The following KCNH1 variants were observed in gnomAD, a reference collection of about 807,000 sequenced individuals.
KCNH1 encodes potassium voltage-gated channel subfamily H member 1, also known as voltage-gated delayed rectifier potassium channel KCNH1.
KCNH1 carries 27 observed loss-of-function variants against 69.2 expected under a neutral mutation model. That is an observed-to-expected ratio of 0.39 (90% CI 0.29 to 0.54). The LOEUF (loss-of-function observed/expected upper bound fraction) is 0.54. Ranked by LOEUF, KCNH1 falls within the 20% of genes least tolerant of loss-of-function variation. The probability of loss-of-function intolerance (pLI) is 0.68; values close to 1 mark genes in which losing one functional copy is unlikely to be tolerated. For synonymous variants in KCNH1, 456 were observed against 487.7 expected (o/e 0.93, Z 0.86); for missense variants, 798 against 1,261.6 (o/e 0.63, Z 5.57).
At chr1:210,767,043 C>G (rs374277366) in intron 10 of KCNH1, among the ~76,000 whole-genome samples, 12 of 152,156 alleles carry the variant, frequency 7.9e-5, no homozygotes, top group African/African-American at 2.9e-4. Context: ...AGGACATGCT[C>G]AAAACCACAG....
chr1:211,061,658 C>G (rs1191046359), intron 5 of KCNH1, among the ~76,000 whole-genome samples: 1 of 151,926 alleles, frequency 6.6e-6, no homozygotes, highest in African/African-American at 2.4e-5. Flanking sequence ...AAACCAGTAG[C>G]ATTTTATATA....
chr1:210,733,409 C>T (rs1157853348), intron 10 of KCNH1, among the ~76,000 whole-genome samples: 2 of 152,200 alleles, frequency 1.3e-5, no homozygotes, highest in African/African-American at 4.8e-5. Flanking sequence ...AGTAGGAATT[C>T]TAAGCCCCCA....
At chr1:210,727,382 AG>A (rs1361210595) in intron 10 of KCNH1, among the ~76,000 whole-genome samples, 1 of 152,166 alleles carries the variant, frequency 6.6e-6, no homozygotes, top group African/African-American at 2.4e-5. Context: ...ATATTTTGAT[AG>A]CGATACAGTC....
At chr1:210,934,890 C>G (rs1416326605) in intron 6 of KCNH1, among the ~76,000 whole-genome samples, 1 of 151,188 alleles carries the variant, frequency 6.6e-6, no homozygotes, top group Non-Finnish European at 1.5e-5. Flanking sequence ...TATATACAAG[C>G]AATATAAATT....
Position 210,770,729 on chromosome 1 carries a change from G to T in KCNH1, c.2112+4619C>A, listed in dbSNP as rs79190648. The stretch of plus-strand genomic sequence containing the variant: ...ACATGTTTCTGAGTGTATTGGCGGT[G>T]GCAAAGGCCACTGGAGAAAGATACT... On this transcript the variant is annotated intron_variant, in intron 10 of 10. Transcript: ENST00000271751. 6.6e-3 allele frequency among the ~76,000 whole-genome samples: 1,007 copies of T among 152,330 alleles called. 6 individuals are homozygous for T. The highest frequency in any genetic ancestry group is 0.011 in the Admixed American group (162 of 15,296).
chr1:210,693,470 G>A (rs1042144560), intron 10 of KCNH1, among the ~76,000 whole-genome samples: 1 of 152,200 alleles, frequency 6.6e-6, no homozygotes, highest in African/African-American at 2.4e-5. Context: ...ACCAAAGAGA[G>A]GCCAGGTAGA....
chr1:211,096,063 ATTTATTTATTTATTTT>A (rs1691145033), intron 3 of KCNH1, among the ~76,000 whole-genome samples: 1 of 151,730 alleles, frequency 6.6e-6, no homozygotes, highest in Non-Finnish European at 1.5e-5. Flanking sequence ...TTATTTATTT[ATTTATTTATTTATTTT>A]TTGAGATGGA....
chr1:211,087,493 T>C (rs2102470686), intron 4 of KCNH1, among the ~76,000 whole-genome samples: 1 of 151,958 alleles, frequency 6.6e-6, no homozygotes, highest in Non-Finnish European at 1.5e-5. Context: ...CTACTCCCAA[T>C]TATCTATAAC....
At chr1:210,689,524 T>C (rs141498312) in intron 10 of KCNH1, among the ~76,000 whole-genome samples, 458 of 152,316 alleles carry the variant, frequency 3.0e-3, no homozygotes, top group African/African-American at 0.01. Context: ...TAAAAATACA[T>C]ATGTAATGTC....
intron 6 of KCNH1, among the ~76,000 whole-genome samples, chr1:210,963,951 G>A (rs1016872405): frequency 1.3e-5 from 2 of 152,082 alleles, no homozygotes; most frequent in African/African-American, 4.8e-5. Context: ...ACACCACAAA[G>A]ATAATCCTTG....
At chr1:210,921,676 C>T (rs769808053) in intron 6 of KCNH1, among the ~76,000 whole-genome samples, 5 of 152,136 alleles carry the variant, frequency 3.3e-5, no homozygotes, top group African/African-American at 9.7e-5. Flanking sequence ...TTCCAGGCCA[C>T]GGCAGTTAAT....
At chr1:210,992,574 T>A (rs1207660247) in intron 6 of KCNH1, among the ~76,000 whole-genome samples, 1 of 152,100 alleles carries the variant, frequency 6.6e-6, no homozygotes, top group Admixed American at 6.6e-5. Context: ...AGTGGCTGCT[T>A]TTTTAACATA....
At chr1:210,917,227 G>A (rs377366490) in intron 7 of KCNH1, among the ~76,000 whole-genome samples, 11 of 77,186 alleles carry the variant, frequency 1.4e-4, no homozygotes, top group Middle Eastern at 7.1e-3. Flanking sequence ...GAGAGAGAGA[G>A]AGAGAAAGAA....
intron 5 of KCNH1, among the ~76,000 whole-genome samples, chr1:211,022,836 G>T (rs988391435): frequency 7.2e-5 from 11 of 152,256 alleles, no homozygotes; most frequent in Non-Finnish European, 1.5e-4. Context: ...TGATGGCCAG[G>T]CATGGTGGCT....
intron 9 of KCNH1, among the ~76,000 whole-genome samples, chr1:210,795,150 G>A (rs1368129899): frequency 6.7e-6 from 1 of 148,898 alleles, no homozygotes; most frequent in Non-Finnish European, 1.5e-5. Context: ...TGTTGTTGTT[G>A]TTTGTTTGTT....
intron 7 of KCNH1, among the ~76,000 whole-genome samples, chr1:210,822,565 C>T (rs1349540982): frequency 1.3e-5 from 2 of 152,128 alleles, no homozygotes; most frequent in Non-Finnish European, 2.9e-5. Flanking sequence ...TTGAATGCTC[C>T]ACTGTTGCTG....
intron 10 of KCNH1, among the ~76,000 whole-genome samples, chr1:210,715,949 C>T (rs1682223513): frequency 1.3e-5 from 2 of 152,064 alleles, no homozygotes. Context: ...GACATGCCAC[C>T]CTGGCCTTAG....
At chr1:210,968,438 GCCACAC>G in intron 6 of KCNH1, among the ~76,000 whole-genome samples, 1 of 138,196 alleles carries the variant, frequency 7.2e-6, no homozygotes, top group East Asian at 2.1e-4. Flanking sequence ...CTGAGGAATC[GCCACAC>G]TGACTTCCAC....
intron 5 of KCNH1, among the ~76,000 whole-genome samples, chr1:211,075,050 G>A (rs1163232220): frequency 8.5e-5 from 13 of 152,214 alleles, no homozygotes; most frequent in Non-Finnish European, 1.3e-4. Flanking sequence ...AGCATGGTGT[G>A]TACAAGGAAA....
Sources: gnomAD v4.1 joint callset for allele counts (sites outside exome capture counted in the v4.1 genomes callset) on GRCh38, gnomAD v4.1.1 for gene constraint, MANE v1.5 for transcripts, NCBI Gene and HGNC (gene_info 2026-07-23, HGNC 2026-07-21) for gene names.